Variants in MDGA2 observed in about 807,000 individuals in gnomAD.
MDGA2 encodes the protein MAM domain containing glycosylphosphatidylinositol anchor 2, also known as MAM domain-containing glycosylphosphatidylinositol anchor protein 2.
In MDGA2, 40 loss-of-function variants were observed where a neutral mutation model predicts 117.8. The ratio of observed to expected loss-of-function variants is 0.34; its 90% CI spans 0.26 to 0.44. The LOEUF (loss-of-function observed/expected upper bound fraction) is 0.44. Among genes scored for constraint, MDGA2 ranks in the 20% least tolerant of loss-of-function variants. MDGA2 has a pLI of 1.00. For missense variants in MDGA2, 1,123 were observed against 1,250.6 expected (o/e 0.90, Z 1.54); for synonymous variants, 452 against 439.0 (o/e 1.03, Z -0.37).
intron 1 of MDGA2, among the ~76,000 whole-genome samples, chr14:47,590,490 A>C (rs1473693290): frequency 6.6e-6 from 1 of 151,914 alleles, no homozygotes; most frequent in Non-Finnish European, 1.5e-5. Context: ...TACTAGGTAC[A>C]ATTTTTACAG....
At chr14:47,179,610 C>T (rs972006629) in intron 3 of MDGA2, among the ~76,000 whole-genome samples, 1 of 151,846 alleles carries the variant, frequency 6.6e-6, no homozygotes, top group Non-Finnish European at 1.5e-5. Context: ...TTTTAATAGG[C>T]TACTGTGATA....
At chr14:47,506,575 C>G (rs1411678325) in intron 1 of MDGA2, among the ~76,000 whole-genome samples, 2 of 152,230 alleles carry the variant, frequency 1.3e-5, no homozygotes, top group Non-Finnish European at 2.9e-5. Context: ...GTCACTGCCT[C>G]TGCAACAGTG....
chr14:47,364,472 G>C (rs1891189422), intron 1 of MDGA2, among the ~76,000 whole-genome samples: 1 of 152,110 alleles, frequency 6.6e-6, no homozygotes. Flanking sequence ...CACCGTGTTA[G>C]CCAGAATGGT....
intron 2 of MDGA2, among the ~76,000 whole-genome samples, chr14:47,220,298 G>C (rs1480646451): frequency 2.0e-5 from 3 of 152,210 alleles, no homozygotes; most frequent in African/African-American, 7.2e-5. Flanking sequence ...AATTGTTCAG[G>C]CTTCCAGGAA....
chr14:47,533,979 A>T (rs1025160907), intron 1 of MDGA2, among the ~76,000 whole-genome samples: 2 of 152,222 alleles, frequency 1.3e-5, no homozygotes, highest in African/African-American at 4.8e-5. Context: ...AAATATTTAT[A>T]ATCTACATGA....
intron 1 of MDGA2, among the ~76,000 whole-genome samples, chr14:47,361,197 C>T (rs1891113823): frequency 7.5e-6 from 1 of 133,692 alleles, no homozygotes; most frequent in African/African-American, 2.7e-5. Flanking sequence ...CTCTCTCTCT[C>T]TCTCTCTCTC....
chr14:47,343,290 T>A, intron 1 of MDGA2: 1 of 1,122,778 alleles, frequency 8.9e-7, no homozygotes, highest in Non-Finnish European at 1.1e-6. Context: ...CAATGTTAAC[T>A]AAGTTCTAAG....
At chr14:46,911,677 T>A (rs1168369436) in intron 10 of MDGA2, among the ~76,000 whole-genome samples, 2 of 152,150 alleles carry the variant, frequency 1.3e-5, no homozygotes, top group Admixed American at 6.5e-5. Flanking sequence ...AGGAAATCAA[T>A]TTTACCTCAA....
At chr14:46,934,078 C>T (rs928253825) in intron 9 of MDGA2, among the ~76,000 whole-genome samples, 3 of 151,518 alleles carry the variant, frequency 2.0e-5, no homozygotes, top group African/African-American at 7.3e-5. Context: ...AGTTTTTACA[C>T]TTGGCATGCA....
intron 1 of MDGA2, among the ~76,000 whole-genome samples, chr14:47,454,890 A>C (rs1321716608): frequency 6.6e-6 from 1 of 152,198 alleles, no homozygotes; most frequent in Non-Finnish European, 1.5e-5. Flanking sequence ...TAACAAGGAG[A>C]CATTCACTCC....
intron 14 of MDGA2, among the ~76,000 whole-genome samples, chr14:46,866,430 A>G (rs1881764014): frequency 6.6e-6 from 1 of 152,090 alleles, no homozygotes; most frequent in South Asian, 2.1e-4. Flanking sequence ...ACCTAAAACC[A>G]TAAAAACCCT....
At chr14:46,901,237 G>A (rs964481825) in intron 10 of MDGA2, among the ~76,000 whole-genome samples, 12 of 151,842 alleles carry the variant, frequency 7.9e-5, no homozygotes, top group African/African-American at 2.9e-4. Context: ...AATGCCAATT[G>A]ACGAGTTAAT....
At chr14:47,403,100 G>T (rs1892189195) in intron 1 of MDGA2, among the ~76,000 whole-genome samples, 1 of 152,120 alleles carries the variant, frequency 6.6e-6, no homozygotes, top group Admixed American at 6.6e-5. Context: ...ATGCTGAGTG[G>T]CCTTCTTTTC....
chr14:46,957,291 T>C, intron 9 of MDGA2, 83 bp downstream of exon 9: 1 of 1,351,492 alleles, frequency 7.4e-7, no homozygotes, highest in Non-Finnish European at 1.0e-6. Flanking sequence ...TTACAAATGT[T>C]TTCATTCTTA....
chr14:47,128,259 C>T (rs569055059), intron 5 of MDGA2, among the ~76,000 whole-genome samples: 47 of 152,068 alleles, frequency 3.1e-4, no homozygotes, highest in African/African-American at 1.1e-3. Flanking sequence ...GAAAAATCTA[C>T]CTGTTTATGT....
At chr14:47,000,380 T>TATATAATTTATATATAA (rs1887472609) in intron 8 of MDGA2, among the ~76,000 whole-genome samples, 1 of 68,912 alleles carries the variant, frequency 1.5e-5, no homozygotes, top group African/African-American at 5.0e-5. Context: ...TATATATTTA[T>TATATAATTTATATATAA]ATATATATAT....
chr14:46,972,969 A>G (rs1886324817), intron 8 of MDGA2, among the ~76,000 whole-genome samples: 1 of 152,170 alleles, frequency 6.6e-6, no homozygotes, highest in Non-Finnish European at 1.5e-5. Context: ...CAAAGACCTT[A>G]ACAGACACCT....
At chr14:47,175,377 G>A (rs1375119890) in intron 3 of MDGA2, among the ~76,000 whole-genome samples, 2 of 151,518 alleles carry the variant, frequency 1.3e-5, no homozygotes, top group Admixed American at 1.3e-4. Flanking sequence ...TATCCTTGAT[G>A]AACATTGATG....
intron 8 of MDGA2, among the ~76,000 whole-genome samples, chr14:46,965,895 A>G (rs1463738420): frequency 6.6e-6 from 1 of 152,170 alleles, no homozygotes; most frequent in Admixed American, 6.6e-5. Context: ...ATTATGAGAA[A>G]AATCTACTTA....
Sources: allele counts gnomAD v4.1 joint callset (sites outside exome capture counted in the v4.1 genomes callset), GRCh38; gene constraint gnomAD v4.1.1; transcripts MANE v1.5; gene names NCBI Gene and HGNC (gene_info 2026-07-23, HGNC 2026-07-21).